Variants in LRFN5 observed in about 807,000 individuals in gnomAD.
LRFN5 encodes leucine-rich repeat and fibronectin type-III domain-containing protein 5.
A neutral mutation model predicts 45.6 loss-of-function variants in LRFN5; 24 were observed. The ratio of observed to expected loss-of-function variants is 0.53; its 90% CI spans 0.38 to 0.74. LRFN5 has a LOEUF of 0.74. Among genes scored for constraint, LRFN5 ranks in the 30% least tolerant of loss-of-function variants. The pLI is 0.00. For synonymous variants in LRFN5, 340 were observed against 313.8 expected, an observed-to-expected ratio of 1.08 and a Z score of -0.88; for missense variants, 776 against 861.5, an observed-to-expected ratio of 0.90 and a Z score of 1.24.
At chr14:41,704,174 A>G (rs1032795218) in intron 1 of LRFN5, among the ~76,000 whole-genome samples, 2 of 152,190 alleles carry the variant, frequency 1.3e-5, no homozygotes, top group African/African-American at 4.8e-5. Flanking sequence ...TTGAATTTAA[A>G]TGAATGCTTT....
intron 1 of LRFN5, among the ~76,000 whole-genome samples, chr14:41,741,316 T>G (rs781470313): frequency 6.6e-6 from 1 of 151,656 alleles, no homozygotes; most frequent in African/African-American, 2.4e-5. Context: ...TATAAAGCAA[T>G]TGTAGTCAAA....
intron 1 of LRFN5, among the ~76,000 whole-genome samples, chr14:41,626,791 G>A (rs1181918292): frequency 1.3e-5 from 2 of 151,990 alleles, no homozygotes; most frequent in African/African-American, 4.8e-5. Flanking sequence ...AATTTACTCT[G>A]ATGTATTAGA....
At chr14:41,787,983 T>G (rs1399058954) in intron 2 of LRFN5, among the ~76,000 whole-genome samples, 1 of 152,068 alleles carries the variant, frequency 6.6e-6, no homozygotes, top group Non-Finnish European at 1.5e-5. Flanking sequence ...GCTGTGTCTC[T>G]CTTTCTAACA....
At chr14:41,764,967 C>T (rs948584659) in intron 1 of LRFN5, among the ~76,000 whole-genome samples, 2 of 151,976 alleles carry the variant, frequency 1.3e-5, no homozygotes, top group Non-Finnish European at 2.9e-5. Flanking sequence ...GCTAAGATTA[C>T]GCTTATGGTA....
intron 1 of LRFN5, among the ~76,000 whole-genome samples, chr14:41,752,837 G>T (rs1259931510): frequency 6.6e-6 from 1 of 152,128 alleles, no homozygotes; most frequent in East Asian, 1.9e-4. Flanking sequence ...TGAAGTCCTT[G>T]CCCATGCCTA....
intron 2 of LRFN5, among the ~76,000 whole-genome samples, chr14:41,865,382 G>A (rs968770752): frequency 1.3e-5 from 2 of 152,060 alleles, no homozygotes; most frequent in Admixed American, 1.3e-4. Flanking sequence ...TTCATTTATG[G>A]TATTGCGTAT....
intron 2 of LRFN5, among the ~76,000 whole-genome samples, chr14:41,805,890 C>A (rs1333934186): frequency 2.0e-5 from 3 of 151,836 alleles, no homozygotes; most frequent in Non-Finnish European, 4.4e-5. Context: ...TATCATGAAT[C>A]ATTAGGGTAT....
At chr14:41,821,861 T>C (rs1888126296) in intron 2 of LRFN5, among the ~76,000 whole-genome samples, 1 of 151,784 alleles carries the variant, frequency 6.6e-6, no homozygotes, top group African/African-American at 2.4e-5. Flanking sequence ...CTACTCAAGT[T>C]TTCTATTTCT....
intron 1 of LRFN5, among the ~76,000 whole-genome samples, chr14:41,708,761 C>A (rs1401472137): frequency 6.6e-6 from 1 of 150,824 alleles, no homozygotes; most frequent in African/African-American, 2.4e-5. Context: ...TTCCTGTGGA[C>A]TAGTAGCTAG....
At chr14:41,612,674 A>T (rs1401644060) in intron 1 of LRFN5, among the ~76,000 whole-genome samples, 3 of 152,072 alleles carry the variant, frequency 2.0e-5, no homozygotes, top group African/African-American at 7.2e-5. Context: ...GGCATCCTTC[A>T]ATCATTGAGG....
intron 1 of LRFN5, among the ~76,000 whole-genome samples, chr14:41,674,923 C>G (rs530147656): frequency 6.6e-6 from 1 of 150,648 alleles, no homozygotes; most frequent in Admixed American, 6.6e-5. Context: ...ACCTCCCAGA[C>G]GGGGTCGCGG....
At chr14:41,825,793 C>T (rs983804585) in intron 2 of LRFN5, among the ~76,000 whole-genome samples, 8 of 152,088 alleles carry the variant, frequency 5.3e-5, no homozygotes, top group African/African-American at 1.9e-4. Flanking sequence ...CAGTGCAATG[C>T]CCTCAAGAAG....
chr14:41,689,568 G>A (rs1882272840), intron 1 of LRFN5, among the ~76,000 whole-genome samples: 1 of 152,066 alleles, frequency 6.6e-6, no homozygotes, highest in African/African-American at 2.4e-5. Context: ...GTCTAATTAA[G>A]GTTATAACAA....
At chr14:41,842,424 T>G (rs1364307549) in intron 2 of LRFN5, among the ~76,000 whole-genome samples, 1 of 152,150 alleles carries the variant, frequency 6.6e-6, no homozygotes, top group Non-Finnish European at 1.5e-5. Flanking sequence ...ATAGGTTGGC[T>G]GCAGGTATTT....
chr14:41,738,781 T>G (rs1489206744), intron 1 of LRFN5, among the ~76,000 whole-genome samples: 2 of 152,172 alleles, frequency 1.3e-5, no homozygotes, highest in African/African-American at 2.4e-5. Context: ...TTATTTATAA[T>G]GTGTCTTAAT....
rs188043058 is a variant in LRFN5 at position 41,860,636 on chromosome 14, G to T, written c.-20-25970G>T. 5.3e-3 allele frequency among the ~76,000 whole-genome samples: 805 copies of T among 152,240 alleles called. 10 individuals are homozygous for T. The highest frequency in any genetic ancestry group is 0.017 in the African/African-American group (710 of 41,556). ...TATTTAAAAATTAAAACAGGAAAAA[G>T]AATGTTTTCTTTACATTTTCATCAA... On this transcript the variant is annotated intron_variant, in intron 2 of 5. Transcript: ENST00000298119.
chr14:41,722,712 A>G (rs536848173), intron 1 of LRFN5, among the ~76,000 whole-genome samples: 1 of 152,118 alleles, frequency 6.6e-6, no homozygotes, highest in East Asian at 1.9e-4. Flanking sequence ...AGTTCATCCT[A>G]CAAGTCAGTA....
At chr14:41,795,938 C>T (rs968108589) in intron 2 of LRFN5, among the ~76,000 whole-genome samples, 16 of 151,746 alleles carry the variant, frequency 1.1e-4, no homozygotes, top group East Asian at 7.8e-4. Context: ...AAAAAAGTTC[C>T]GGCTAAACAC....
chr14:41,892,381 G>A, intron 4 of LRFN5: 1 of 985,072 alleles, frequency 1.0e-6, no homozygotes, highest in South Asian at 4.7e-5. Flanking sequence ...AAGGGAAAAA[G>A]CATGACATAG....
Sources: gnomAD v4.1 joint callset for allele counts (sites outside exome capture counted in the v4.1 genomes callset) on GRCh38, gnomAD v4.1.1 for gene constraint, MANE v1.5 for transcripts, NCBI Gene and HGNC (gene_info 2026-07-23, HGNC 2026-07-21) for gene names.